ACYP2: variants seen among roughly 807,000 people sequenced by gnomAD.
ACYP2 encodes acylphosphatase-2.
Under a neutral mutation model 11.2 loss-of-function variants are expected in ACYP2, and 12 were observed. That is an observed-to-expected ratio of 1.08 (90% confidence interval 0.69 to 1.74). ACYP2 has a LOEUF of 1.74. Ranked by LOEUF, ACYP2 falls within the 40% of genes most tolerant of loss-of-function variation. The pLI is 0.00. For missense variants in ACYP2, 134 were observed against 101.9 expected, an observed-to-expected ratio of 1.31 and a Z score of -1.35; for synonymous variants, 43 against 32.2, an observed-to-expected ratio of 1.33 and a Z score of -1.13.
chr2:54,245,813 T>C (rs896960552), intron 6 of ACYP2, among the ~76,000 whole-genome samples: 3 of 152,082 alleles, frequency 2.0e-5, no homozygotes, highest in African/African-American at 7.2e-5. Flanking sequence ...ATTCTACAGG[T>C]TGCCTTTTCA....
At chr2:54,024,859 C>T (rs917299122) in intron 2 of ACYP2, among the ~76,000 whole-genome samples, 2 of 152,144 alleles carry the variant, frequency 1.3e-5, no homozygotes, top group Non-Finnish European at 2.9e-5. Flanking sequence ...TCCAAAAAGC[C>T]TCTAGAACTG....
intron 2 of ACYP2, among the ~76,000 whole-genome samples, chr2:54,004,555 C>T (rs1050667677): frequency 9.9e-5 from 15 of 151,652 alleles, no homozygotes; most frequent in African/African-American, 1.7e-4. Flanking sequence ...AGACTACAGG[C>T]GCCTGCAACC....
chr2:54,167,469 AC>A (rs1246199655), intron 6 of ACYP2, among the ~76,000 whole-genome samples: 3 of 152,312 alleles, frequency 2.0e-5, no homozygotes, highest in Non-Finnish European at 4.4e-5. Context: ...ATAGCGTAAT[AC>A]CCACATTTAG....
At chr2:54,102,211 G>C (rs1403467213) in intron 4 of ACYP2, among the ~76,000 whole-genome samples, 3 of 152,108 alleles carry the variant, frequency 2.0e-5, no homozygotes, top group African/African-American at 7.2e-5. Context: ...ATAACACTGG[G>C]TATTACTATT....
intron 6 of ACYP2, among the ~76,000 whole-genome samples, chr2:54,247,220 T>C (rs1686995757): frequency 6.6e-6 from 1 of 152,208 alleles, no homozygotes; most frequent in African/African-American, 2.4e-5. Flanking sequence ...CTCATCTCAC[T>C]TCTGGGACTT....
intron 6 of ACYP2, among the ~76,000 whole-genome samples, chr2:54,166,070 G>T (rs1232076654): frequency 6.6e-6 from 1 of 152,080 alleles, no homozygotes; most frequent in African/African-American, 2.4e-5. Flanking sequence ...CTGGTCCATT[G>T]GCTTAGTGGT....
At chr2:54,120,429 T>A (rs141020734) in intron 4 of ACYP2, among the ~76,000 whole-genome samples, 1 of 152,266 alleles carries the variant, frequency 6.6e-6, no homozygotes, top group Non-Finnish European at 1.5e-5. Context: ...TATAGATGCT[T>A]TGATGCTTTA....
intron 6 of ACYP2, among the ~76,000 whole-genome samples, chr2:54,299,119 G>C (rs528985990): frequency 2.0e-5 from 3 of 152,276 alleles, no homozygotes; most frequent in Non-Finnish European, 4.4e-5. Context: ...TTCAGTGAAA[G>C]TTAATCCCTG....
chr2:54,197,984 AT>A (rs1684580983), intron 6 of ACYP2, among the ~76,000 whole-genome samples: 2 of 136,552 alleles, frequency 1.5e-5, no homozygotes, highest in Non-Finnish European at 3.0e-5. Flanking sequence ...ATTGTATTGT[AT>A]TGTATTGTAT....
At chr2:54,031,695 C>T (rs1030332784) in intron 2 of ACYP2, among the ~76,000 whole-genome samples, 12 of 152,160 alleles carry the variant, frequency 7.9e-5, no homozygotes, top group African/African-American at 4.8e-5. Context: ...CCTGAGGAAT[C>T]GCCACACTGT....
intron 2 of ACYP2, among the ~76,000 whole-genome samples, chr2:53,992,100 TTCCCTCCC>T (rs1196740648): frequency 6.8e-6 from 1 of 148,056 alleles, no homozygotes; most frequent in East Asian, 2.0e-4. Context: ...TCCTTCCTCC[TTCCCTCCC>T]TCCCTCTCTC....
chr2:54,222,134 A>G (rs1395131634), intron 6 of ACYP2, among the ~76,000 whole-genome samples: 1 of 152,222 alleles, frequency 6.6e-6, no homozygotes, highest in Non-Finnish European at 1.5e-5. Context: ...TTAAATGACT[A>G]GTTTAAGCCT....
chr2:54,229,313 A>G (rs1686135606), intron 6 of ACYP2, among the ~76,000 whole-genome samples: 1 of 152,214 alleles, frequency 6.6e-6, no homozygotes, highest in Admixed American at 6.5e-5. Context: ...CACATATTTT[A>G]TGGCCCAATC....
intron 6 of ACYP2, among the ~76,000 whole-genome samples, chr2:54,241,665 T>C (rs1035747165): frequency 3.9e-5 from 6 of 152,206 alleles, no homozygotes; most frequent in African/African-American, 1.4e-4. Flanking sequence ...ATAAACCATG[T>C]TTCACTTGTA....
intron 4 of ACYP2, among the ~76,000 whole-genome samples, chr2:54,058,998 G>T (rs1370598148): frequency 1.3e-5 from 2 of 152,138 alleles, no homozygotes; most frequent in African/African-American, 2.4e-5. Context: ...AAAGTTTCTG[G>T]TTGGAGATGT....
At chr2:54,302,692 A>G (rs1444570562) in intron 6 of ACYP2, among the ~76,000 whole-genome samples, 1 of 152,042 alleles carries the variant, frequency 6.6e-6, no homozygotes, top group Non-Finnish European at 1.5e-5. Flanking sequence ...TAACATTCCA[A>G]AACTGAGCCT....
At chr2:54,152,382 C>G (rs1368492169) in intron 6 of ACYP2, among the ~76,000 whole-genome samples, 6 of 152,090 alleles carry the variant, frequency 3.9e-5, no homozygotes, top group Non-Finnish European at 7.4e-5. Flanking sequence ...CCTCAGCTTC[C>G]CAAAGTGCTG....
intron 6 of ACYP2, among the ~76,000 whole-genome samples, chr2:54,243,153 T>C (rs966153960): frequency 6.6e-6 from 1 of 152,198 alleles, no homozygotes; most frequent in Admixed American, 6.5e-5. Context: ...GTCATGTAGA[T>C]TGAAAATTTT....
intron 4 of ACYP2, among the ~76,000 whole-genome samples, chr2:54,061,121 G>A (rs946765632): frequency 2.0e-5 from 3 of 152,130 alleles, no homozygotes; most frequent in African/African-American, 7.2e-5. Context: ...CTCCCAAAGT[G>A]CTGGGATTAC....
Sources: gnomAD v4.1 joint callset for allele counts (sites outside exome capture counted in the v4.1 genomes callset) on GRCh38, gnomAD v4.1.1 for gene constraint, MANE v1.5 for transcripts, NCBI Gene and HGNC (gene_info 2026-07-23, HGNC 2026-07-21) for gene names.